AFAP1: variants seen among roughly 807,000 people sequenced by gnomAD.
AFAP1 encodes the protein actin filament associated protein 1.
A neutral mutation model predicts 93.9 loss-of-function variants in AFAP1; 75 were observed. The ratio of observed to expected loss-of-function variants is 0.80; its 90% CI spans 0.66 to 0.97. The LOEUF is 0.97. AFAP1 is among the 50% of genes least tolerant of loss of function. The probability of loss-of-function intolerance (pLI) is 0.00; values close to 1 mark genes in which losing one functional copy is unlikely to be tolerated. For synonymous variants in AFAP1, 517 were observed against 430.7 expected (o/e 1.20, Z -2.48); for missense variants, 1,201 against 1,050.8 (o/e 1.14, Z -1.98).
rs997017254 is a variant in AFAP1 at position 7,929,500 on chromosome 4, T to A, written c.-3+10156A>T. On this transcript the variant is annotated intron_variant, in intron 1 of 17. Transcript: ENST00000420658. ...TGCTGAAAAAGCCTCAGCTGCTCGG[T>A]TCCACTGTGGAAATCCAACTCCTCC... Among the ~76,000 whole-genome samples, 22 of 152,298 alleles carry A rather than the reference T, an allele frequency of 1.4e-4. 1 individual carries two copies. The highest frequency in any genetic ancestry group is 1.2e-3 in the Admixed American group (18 of 15,296).
intron 1 of AFAP1, among the ~76,000 whole-genome samples, chr4:7,874,356 CTTTTTTTTTTTTTT>C (rs869214535): frequency 1.1e-5 from 1 of 92,440 alleles, no homozygotes; most frequent in East Asian, 3.5e-4. Context: ...TTGCCTTTTT[CTTTTTTTTTTTTTT>C]TTTTTTTTTT....
At chr4:7,900,579 G>T (rs1351304631) in intron 1 of AFAP1, among the ~76,000 whole-genome samples, 1 of 152,130 alleles carries the variant, frequency 6.6e-6, no homozygotes, top group Non-Finnish European at 1.5e-5. Flanking sequence ...TGTCCCCCAG[G>T]CCCACGCCAG....
intron 1 of AFAP1, among the ~76,000 whole-genome samples, chr4:7,876,391 A>C (rs779913937): frequency 1.3e-5 from 2 of 152,238 alleles, no homozygotes; most frequent in Non-Finnish European, 2.9e-5. Context: ...GGACGGCCGG[A>C]TTCCAAGACA....
chr4:7,773,381 G>A (rs993357313), intron 15 of AFAP1: 14 of 209,850 alleles, frequency 6.7e-5, no homozygotes, highest in Non-Finnish European at 9.5e-5. Flanking sequence ...ACGCTCCGCC[G>A]ATCCTTCAGT....
intron 7 of AFAP1, 23 bp downstream of exon 7, chr4:7,819,053 C>T (rs1439807243): frequency 6.4e-7 from 1 of 1,570,462 alleles, no homozygotes; most frequent in East Asian, 2.3e-5. Context: ...ACCGTCCCCA[C>T]CCAGCAAGAG....
chr4:7,767,347 G>A (rs1445853669), intron 17 of AFAP1, among the ~76,000 whole-genome samples: 2 of 152,078 alleles, frequency 1.3e-5, no homozygotes, highest in Non-Finnish European at 2.9e-5. Context: ...CCCTTTTGAG[G>A]GTCGGGACCA....
chr4:7,862,779 C>T (rs1384293928), intron 3 of AFAP1, among the ~76,000 whole-genome samples: 1 of 152,110 alleles, frequency 6.6e-6, no homozygotes, highest in East Asian at 1.9e-4. Context: ...CAGAAAATGC[C>T]TTGATCTAGA....
chr4:7,821,447 G>A lies in AFAP1; in HGVS notation c.727-2276C>T, dbSNP rs879808389. On this transcript the variant is annotated intron_variant, in intron 6 of 17. Transcript: ENST00000420658. ...TGCAGGACAGGATTCCGTGCACGAG[G>A]GCTTTCCCAGCCGCCCCCTACATGC... Among the ~76,000 whole-genome samples the A allele has an allele frequency of 7.9e-5, 12 of 152,236 alleles. No individual in the cohort carries two copies. In the East Asian group the frequency reaches 1.7e-3, roughly 22 times the overall value.
At chr4:7,922,045 C>G (rs1053418033) in intron 1 of AFAP1, among the ~76,000 whole-genome samples, 1 of 152,168 alleles carries the variant, frequency 6.6e-6, no homozygotes, top group Non-Finnish European at 1.5e-5. Context: ...ATCGCTTGAA[C>G]CCAGGAAGCG....
chr4:7,854,771 TTCA>T (rs1714861451), intron 4 of AFAP1, among the ~76,000 whole-genome samples: 1 of 152,168 alleles, frequency 6.6e-6, no homozygotes, highest in African/African-American at 2.4e-5. Flanking sequence ...CATTCAGGTA[TTCA>T]ACTTTCTTAT....
chr4:7,917,463 C>T (rs1720148192), intron 1 of AFAP1, among the ~76,000 whole-genome samples: 1 of 152,184 alleles, frequency 6.6e-6, no homozygotes, highest in Non-Finnish European at 1.5e-5. Context: ...AACACACTCA[C>T]TTTCTGTCTT....
chr4:7,861,196 G>C (rs1012578276), intron 3 of AFAP1, among the ~76,000 whole-genome samples: 1 of 152,162 alleles, frequency 6.6e-6, no homozygotes, highest in Admixed American at 6.5e-5. Flanking sequence ...TATATAATTT[G>C]AAATAAGAAA....
chr4:7,921,845 G>C (rs1023030628), intron 1 of AFAP1, among the ~76,000 whole-genome samples: 1 of 152,242 alleles, frequency 6.6e-6, no homozygotes, highest in South Asian at 2.1e-4. Flanking sequence ...AGACACATAG[G>C]CCGGGCGCGG....
intron 1 of AFAP1, among the ~76,000 whole-genome samples, chr4:7,931,763 A>G (rs1024352695): frequency 6.6e-6 from 1 of 152,224 alleles, no homozygotes; most frequent in African/African-American, 2.4e-5. Context: ...CCCCATAAAC[A>G]CACATGGATG....
chr4:7,827,951 A>T (rs1041365635), intron 6 of AFAP1, among the ~76,000 whole-genome samples: 1 of 152,202 alleles, frequency 6.6e-6, no homozygotes, highest in Non-Finnish European at 1.5e-5. Context: ...ATTTTGTTTT[A>T]ATAACTTCTT....
intron 1 of AFAP1, among the ~76,000 whole-genome samples, chr4:7,888,388 ACTC>A (rs1295011417): frequency 2.0e-5 from 3 of 151,990 alleles, no homozygotes; most frequent in Non-Finnish European, 4.4e-5. Context: ...TAAATTCTGA[ACTC>A]CTCCTATTAC....
At chr4:7,905,886 C>T (rs2149221066) in intron 1 of AFAP1, among the ~76,000 whole-genome samples, 1 of 152,336 alleles carries the variant, frequency 6.6e-6, no homozygotes, top group South Asian at 2.1e-4. Flanking sequence ...AGTGTGGAGG[C>T]AGGCATAAGG....
At chr4:7,814,474 C>T (rs1577243570) in intron 8 of AFAP1, among the ~76,000 whole-genome samples, 2 of 152,174 alleles carry the variant, frequency 1.3e-5, no homozygotes, top group South Asian at 2.1e-4. Context: ...TCTCTGAATG[C>T]ACAGAACAGA....
chr4:7,823,796 C>A (rs1371608545), intron 6 of AFAP1, among the ~76,000 whole-genome samples: 2 of 152,220 alleles, frequency 1.3e-5, no homozygotes, highest in Non-Finnish European at 2.9e-5. Context: ...ATAACAGCAT[C>A]TCCAACAGTG....
Sources: gnomAD v4.1 joint callset for allele counts (sites outside exome capture counted in the v4.1 genomes callset) on GRCh38, gnomAD v4.1.1 for gene constraint, MANE v1.5 for transcripts, NCBI Gene and HGNC (gene_info 2026-07-23, HGNC 2026-07-21) for gene names.